XNDC1N: variants seen among roughly 807,000 people sequenced by gnomAD.
The protein encoded by XNDC1N is protein XNDC1N.
the XNDC1N span, among the ~76,000 whole-genome samples, chr11:71,875,759 C>G: frequency 5.9e-5 from 9 of 152,210 alleles, no homozygotes; most frequent in African/African-American, 2.2e-4. Flanking sequence ...GGGCACGTAG[C>G]TCACTGCTGT....
chr11:71,924,400 C>T, the XNDC1N span, among the ~76,000 whole-genome samples: 7 of 151,922 alleles, frequency 4.6e-5, no homozygotes, highest in South Asian at 2.1e-4. Context: ...AGTTCTGGAC[C>T]GGGCGCGGTG....
At chr11:71,928,384 G>A in the XNDC1N span, 2 of 683,674 alleles carry the variant, frequency 2.9e-6, no homozygotes, top group Non-Finnish European at 5.3e-6. Context: ...TGGACCTCGA[G>A]GAGCCACCGT....
the XNDC1N span, among the ~76,000 whole-genome samples, chr11:71,866,763 A>T: frequency 2.1e-5 from 3 of 141,540 alleles, no homozygotes; most frequent in Non-Finnish European, 4.6e-5. Context: ...GACTCCATCT[A>T]AAAAAAAAAA....
the XNDC1N span, among the ~76,000 whole-genome samples, chr11:71,905,421 C>A: frequency 6.6e-6 from 1 of 151,726 alleles, no homozygotes; most frequent in African/African-American, 2.4e-5. Flanking sequence ...AAGTAACACC[C>A]CCCCTAGAAT....
At chr11:71,885,963 A>T in the XNDC1N span, among the ~76,000 whole-genome samples, 7 of 151,952 alleles carry the variant, frequency 4.6e-5, no homozygotes, top group African/African-American at 1.7e-4. Context: ...ATGGGTTATT[A>T]ATATTGATAA....
the XNDC1N span, chr11:71,928,429 C>T: frequency 1.6e-5 from 11 of 701,722 alleles, no homozygotes; most frequent in South Asian, 7.4e-5. Context: ...CCTATTCTCC[C>T]GCCAATTCGG....
the XNDC1N span, chr11:71,884,304 G>T: frequency 7.7e-7 from 1 of 1,298,974 alleles, no homozygotes; most frequent in Non-Finnish European, 1.0e-6. Context: ...TGTTTTTCTG[G>T]GAAAGTTCTG....
chr11:71,903,133 C>T, the XNDC1N span: 3 of 657,420 alleles, frequency 4.6e-6, no homozygotes. Context: ...TATTGGTTTA[C>T]TTGTTTCCGA....
chr11:71,912,405 A>G, the XNDC1N span, among the ~76,000 whole-genome samples: 1 of 152,162 alleles, frequency 6.6e-6, no homozygotes, highest in Non-Finnish European at 1.5e-5. Flanking sequence ...TGGAAGTAAT[A>G]TGATCCTCTC....
chr11:71,889,763 C>A, the XNDC1N span, among the ~76,000 whole-genome samples: 1 of 152,138 alleles, frequency 6.6e-6, no homozygotes, highest in African/African-American at 2.4e-5. Flanking sequence ...TCTGGAGCAG[C>A]CCCCTTTGAA....
chr11:71,917,540 A>G, the XNDC1N span: 23 of 703,536 alleles, frequency 3.3e-5, no homozygotes, highest in South Asian at 2.4e-4. Flanking sequence ...TACACCTAAT[A>G]GCACTCACAG....
chr11:71,899,664 G>A, the XNDC1N span, among the ~76,000 whole-genome samples: 1 of 152,180 alleles, frequency 6.6e-6, no homozygotes, highest in Non-Finnish European at 1.5e-5. Context: ...TAAACCAGGG[G>A]CACGATACAC....
At chr11:71,916,077 G>A in the XNDC1N span, 2 of 702,812 alleles carry the variant, frequency 2.8e-6, no homozygotes, top group Non-Finnish European at 2.6e-6. Flanking sequence ...TACATACCTT[G>A]TTCAGCACAG....
chr11:71,879,225 C>T, the XNDC1N span, among the ~76,000 whole-genome samples: 3 of 152,054 alleles, frequency 2.0e-5, no homozygotes, highest in South Asian at 6.2e-4. Flanking sequence ...CTCTGTGTTC[C>T]TTTAAAGTTG....
At chr11:71,919,090 G>C in the XNDC1N span, 4 of 690,588 alleles carry the variant, frequency 5.8e-6, no homozygotes, top group East Asian at 1.1e-4. Context: ...GGATGCCCAT[G>C]AATGAGGGAT....
chr11:71,912,175 G>A, the XNDC1N span, among the ~76,000 whole-genome samples: 710 of 152,278 alleles, frequency 4.7e-3, 3 homozygotes, highest in African/African-American at 0.016. Flanking sequence ...AGCATGATGC[G>A]AGGCAAGGTC....
the XNDC1N span, chr11:71,893,276 A>G: frequency 2.1e-6 from 1 of 474,808 alleles, no homozygotes; most frequent in Non-Finnish European, 3.9e-6. Context: ...AAAGCCTTGT[A>G]TAGCAAAAAG....
chr11:71,922,876 A>G, the XNDC1N span, among the ~76,000 whole-genome samples: 2 of 152,080 alleles, frequency 1.3e-5, no homozygotes, highest in African/African-American at 4.8e-5. Context: ...AGGGCCTAGG[A>G]TCTAGCTCTA....
At chr11:71,893,218 G>C in the XNDC1N span, among the ~76,000 whole-genome samples, 2 of 152,098 alleles carry the variant, frequency 1.3e-5, no homozygotes, top group African/African-American at 2.4e-5. Context: ...GTGACGTTTT[G>C]GTCTTCTAAT....
Sources: allele counts gnomAD v4.1 joint callset (sites outside exome capture counted in the v4.1 genomes callset), GRCh38; gene constraint gnomAD v4.1.1; transcripts MANE v1.5; gene names NCBI Gene and HGNC (gene_info 2026-07-23, HGNC 2026-07-21).